TLE1: variants seen among roughly 807,000 people sequenced by gnomAD.
The protein encoded by TLE1 is transducin-like enhancer protein 1.
A neutral mutation model predicts 89.8 loss-of-function variants in TLE1; 21 were observed. The observed-to-expected ratio is 0.23, with a 90% CI of 0.17 to 0.34. The LOEUF (loss-of-function observed/expected upper bound fraction) is 0.34. TLE1 is among the 10% of genes least tolerant of loss of function. The pLI is 1.00. For missense variants in TLE1, 795 were observed against 1,031.2 expected (o/e 0.77, Z 3.14); for synonymous variants, 447 against 407.6 (o/e 1.10, Z -1.16).
At chr9:81,641,044 G>A (rs1484340454) in intron 6 of TLE1, among the ~76,000 whole-genome samples, 1 of 152,178 alleles carries the variant, frequency 6.6e-6, no homozygotes, top group Admixed American at 6.5e-5. Context: ...AAGAGTGACA[G>A]TAAGTGGCAT....
intron 9 of TLE1, among the ~76,000 whole-genome samples, chr9:81,619,483 C>T (rs1191154854): frequency 6.6e-6 from 1 of 152,142 alleles, no homozygotes; most frequent in Non-Finnish European, 1.5e-5. Context: ...CCAGGTGGCA[C>T]TCAAAAAGAT....
intron 14 of TLE1, among the ~76,000 whole-genome samples, chr9:81,599,459 T>C (rs190332818): frequency 6.6e-6 from 1 of 152,258 alleles, no homozygotes; most frequent in East Asian, 1.9e-4. Flanking sequence ...CTGTGGGGGC[T>C]GGGGGAACCG....
At chr9:81,628,763 C>CTT (rs1236433839) in intron 8 of TLE1, among the ~76,000 whole-genome samples, 1 of 152,092 alleles carries the variant, frequency 6.6e-6, no homozygotes, top group Non-Finnish European at 1.5e-5. Context: ...AATCTGTTAA[C>CTT]TAAGTATGTG....
At position 81,685,900 on chromosome 9, in the gene TLE1, G is replaced by C. The variant is rs2133180228; in HGVS notation, c.126-4C>G. On this transcript the variant is annotated splice_region_variant and splice_polypyrimidine_tract_variant and intron_variant, in intron 2 of 19. Transcript: ENST00000376499. Reference sequence around the variant, plus strand: ...TTTCTCACATTCCAATTTAAGGCTAGGAAAACAAAACAGGCAACTTAATGT... The same window carrying C: ...TTTCTCACATTCCAATTTAAGGCTACGAAAACAAAACAGGCAACTTAATGT... 6.2e-7 allele frequency: 1 copy of C among 1,612,860 alleles called. No individual in the cohort carries two copies. Among genetic ancestry groups the C allele is most frequent in the Non-Finnish European group, 8.5e-7 (1 of 1,179,966 alleles).
chr9:81,673,438 C>T (rs2591), intron 4 of TLE1, among the ~76,000 whole-genome samples: 130,490 of 151,946 alleles, frequency 0.86, 56,348 homozygotes, highest in African/African-American at 0.96. Flanking sequence ...AAAAACAAAA[C>T]GGAAGTATCA....
At chr9:81,610,663 G>A (rs922901990) in intron 13 of TLE1, among the ~76,000 whole-genome samples, 1 of 152,108 alleles carries the variant, frequency 6.6e-6, no homozygotes, top group Non-Finnish European at 1.5e-5. Context: ...TTCTTTGTTA[G>A]GGGCCGTCCT....
At chr9:81,636,349 T>C (rs1737732195) in intron 6 of TLE1, among the ~76,000 whole-genome samples, 1 of 150,112 alleles carries the variant, frequency 6.7e-6, no homozygotes, top group Non-Finnish European at 1.5e-5. Flanking sequence ...ACTAGACACC[T>C]GCCATAAGAA....
chr9:81,634,141 G>C lies in TLE1; in HGVS notation c.533C>G (p.Ala178Gly). ...GTGGTGCTTCTTGTCATCTTTTATT[G>C]CCAAGTGAGACTGCCCACTCAGAGC... ...SSALSGQSHL[A>G]IKDDKKHHDA... Residue 178 changes from alanine to glycine, a missense_variant, in exon 7 of 20, where the codon GCA (alanine) becomes GGA (glycine). Ala to Gly is a moderately conservative substitution (Grantham distance 60). Around this residue, in one of 4 missense-constraint regions of TLE1, gnomAD observed 468 missense variants for 509.1 expected, o/e 0.92. Transcript: ENST00000376499. 6.2e-7 allele frequency: 1 copy of C among 1,607,956 alleles called. No homozygotes were observed. Among genetic ancestry groups the C allele is most frequent in the South Asian group, 1.1e-5 (1 of 89,610 alleles).
At chr9:81,665,168 G>C (rs1487242779) in intron 4 of TLE1, among the ~76,000 whole-genome samples, 1 of 152,180 alleles carries the variant, frequency 6.6e-6, no homozygotes, top group African/African-American at 2.4e-5. Flanking sequence ...ACTGAGGCAA[G>C]AACACAAACC....
intron 13 of TLE1, among the ~76,000 whole-genome samples, chr9:81,611,182 A>G (rs1367364068): frequency 2.6e-5 from 4 of 152,184 alleles, no homozygotes; most frequent in African/African-American, 9.7e-5. Flanking sequence ...CAAAAATTAG[A>G]TCATTTGCAC....
intron 15 of TLE1, among the ~76,000 whole-genome samples, chr9:81,592,284 G>T (rs62578591): frequency 6.6e-6 from 1 of 152,212 alleles, no homozygotes; most frequent in Non-Finnish European, 1.5e-5. Flanking sequence ...CGTAAACCCC[G>T]GAGGCGGAGC....
rs1313120830 is a variant in TLE1, at chr9:81,653,982, A to G, written c.289T>C (p.Ser97Pro). The G allele has an allele frequency of 6.2e-7, 1 of 1,613,992 alleles. No homozygotes were observed. The part of the protein sequence containing the change: ...TICAQVIPFL[S>P]QEHQQQVAQA... ...TGAACAATTTTACTTACTTCCTGAG[A>G]CAGAAATGGGATGACTTGTGCACAA... Residue 97 changes from serine (S) to proline (P), a missense_variant, in exon 5 of 20, where the codon TCT becomes CCT. Physicochemically the swap from Ser to Pro is moderately conservative, Grantham distance 74. Transcript: ENST00000376499.
intron 5 of TLE1, 149 bp from the exon 6 acceptor site, chr9:81,652,437 G>C: frequency 1.6e-6 from 1 of 607,416 alleles, no homozygotes; most frequent in Admixed American, 2.9e-5. Context: ...TATTTTCACA[G>C]AACATAGATA....
chr9:81,583,843 G>A lies in TLE1; in HGVS notation c.*355C>T, dbSNP rs1038552741. The A allele has an allele frequency of 9.2e-6, 2 of 217,554 alleles. No individual in the cohort carries two copies. Among genetic ancestry groups the A allele is most frequent in the Non-Finnish European group, 1.9e-5 (2 of 106,684 alleles). 13.5% of individuals were successfully genotyped at this position (217,554 alleles called of 1,614,324 possible). A position where few individuals can be genotyped will look rare whatever the true frequency, so the allele number is the denominator to read the frequency against. Reference sequence around the variant, plus strand: ...TGCTCTACAAAGGACGGAAAGTGAGGTGAACTGCAAGGAACAGAAAGGTAA... The same window carrying A: ...TGCTCTACAAAGGACGGAAAGTGAGATGAACTGCAAGGAACAGAAAGGTAA... On this transcript the variant is annotated 3_prime_UTR_variant, in exon 20 of 20. Coordinates refer to ENST00000376499, the MANE Select transcript of TLE1 (RefSeq NM_005077.5).
chr9:81,586,509 A>G (rs1448196670), intron 17 of TLE1, among the ~76,000 whole-genome samples: 7 of 152,256 alleles, frequency 4.6e-5, no homozygotes, highest in African/African-American at 1.7e-4. Context: ...GTAAAAATAT[A>G]GTATTATAAT....
At chr9:81,669,695 T>C (rs1032585628) in intron 4 of TLE1, among the ~76,000 whole-genome samples, 4 of 152,154 alleles carry the variant, frequency 2.6e-5, no homozygotes, top group Non-Finnish European at 5.9e-5. Flanking sequence ...AATCTTTTTT[T>C]CCCCAAGTGT....
At chr9:81,653,198 G>A (rs998463367) in intron 5 of TLE1, among the ~76,000 whole-genome samples, 1 of 152,194 alleles carries the variant, frequency 6.6e-6, no homozygotes, top group South Asian at 2.1e-4. Context: ...ATGAGATGGT[G>A]ACCATCCGGC....
intron 4 of TLE1, among the ~76,000 whole-genome samples, chr9:81,682,847 A>T (rs1032876592): frequency 6.6e-6 from 1 of 152,204 alleles, no homozygotes; most frequent in African/African-American, 2.4e-5. Context: ...CTCCAAGAAA[A>T]AAATATTCTT....
intron 4 of TLE1, 114 bp downstream of exon 4, chr9:81,685,562 G>C: frequency 1.9e-6 from 2 of 1,057,284 alleles, no homozygotes; most frequent in South Asian, 3.1e-5. Flanking sequence ...AACCAAGGCA[G>C]AAAAATAGCA....
Sources: allele counts gnomAD v4.1 joint callset (sites outside exome capture counted in the v4.1 genomes callset), GRCh38; gene constraint gnomAD v4.1.1; regional missense constraint gnomAD v4.1.1; transcripts MANE v1.5; gene names NCBI Gene and HGNC (gene_info 2026-07-23, HGNC 2026-07-21).